The following EPB41L4A variants were observed in gnomAD, a reference collection of about 807,000 sequenced individuals.
EPB41L4A encodes erythrocyte membrane protein band 4.1 like 4A.
In EPB41L4A, 100 loss-of-function variants were observed where a neutral mutation model predicts 108.6. The ratio of observed to expected loss-of-function variants is 0.92; its 90% CI spans 0.78 to 1.09. The LOEUF (loss-of-function observed/expected upper bound fraction) is 1.09. Among genes scored for constraint, EPB41L4A ranks in the 50% least tolerant of loss-of-function variants. The pLI, the probability that EPB41L4A is intolerant of heterozygous loss-of-function variation, is 0.00. For synonymous variants in EPB41L4A, 319 were observed against 289.0 expected, an observed-to-expected ratio of 1.10 and a Z score of -1.05; for missense variants, 1,030 against 842.7, an observed-to-expected ratio of 1.22 and a Z score of -2.75.
At chr5:112,166,886 G>T (rs886767785) in intron 22 of EPB41L4A, among the ~76,000 whole-genome samples, 1 of 152,320 alleles carries the variant, frequency 6.6e-6, no homozygotes, top group South Asian at 2.1e-4. Flanking sequence ...TTTGCTGATT[G>T]CTCAGACCAG....
chr5:112,294,356 C>T (rs183274506), intron 2 of EPB41L4A, among the ~76,000 whole-genome samples: 7 of 152,160 alleles, frequency 4.6e-5, no homozygotes, highest in African/African-American at 1.7e-4. Context: ...ACAGTCCAGG[C>T]GAGAGTTCTT....
chr5:112,344,451 T>C (rs1254936675), intron 1 of EPB41L4A, among the ~76,000 whole-genome samples: 4 of 152,262 alleles, frequency 2.6e-5, no homozygotes, highest in Non-Finnish European at 5.9e-5. Flanking sequence ...TTTATAGTGT[T>C]TGTTGTACAT....
chr5:112,280,709 T>C (rs1752915668), intron 2 of EPB41L4A, among the ~76,000 whole-genome samples: 1 of 152,210 alleles, frequency 6.6e-6, no homozygotes, highest in Non-Finnish European at 1.5e-5. Flanking sequence ...GCAGCAGTAC[T>C]TGCTGGGTCC....
At chr5:112,231,816 AG>A (rs56026343) in intron 12 of EPB41L4A, among the ~76,000 whole-genome samples, 8,976 of 90,320 alleles carry the variant, frequency 0.099, 707 homozygotes, top group Non-Finnish European at 0.13. Context: ...AAAAAAAAAA[AG>A]GATCCACCTG....
At chr5:112,328,657 T>C (rs1485249507) in intron 1 of EPB41L4A, among the ~76,000 whole-genome samples, 2 of 152,328 alleles carry the variant, frequency 1.3e-5, no homozygotes, top group East Asian at 1.9e-4. Flanking sequence ...CTGTAAGTAA[T>C]CAATACGCAC....
At chr5:112,216,394 T>C (rs1747644008) in intron 12 of EPB41L4A, among the ~76,000 whole-genome samples, 1 of 152,080 alleles carries the variant, frequency 6.6e-6, no homozygotes, top group South Asian at 2.1e-4. Flanking sequence ...ATTTTTAGAG[T>C]GAGGGTGAAG....
intron 1 of EPB41L4A, among the ~76,000 whole-genome samples, chr5:112,401,870 T>C (rs903065181): frequency 5.3e-5 from 8 of 152,200 alleles, no homozygotes; most frequent in Non-Finnish European, 1.2e-4. Flanking sequence ...ATTAGAAAAC[T>C]AGCAACTTGG....
chr5:112,251,580 A>T (rs770197085), intron 9 of EPB41L4A, among the ~76,000 whole-genome samples: 1 of 152,172 alleles, frequency 6.6e-6, no homozygotes, highest in African/African-American at 2.4e-5. Context: ...GAAGAAAAAA[A>T]TGCTTATCTT....
At chr5:112,405,201 C>T (rs1762010594) in intron 1 of EPB41L4A, among the ~76,000 whole-genome samples, 1 of 152,176 alleles carries the variant, frequency 6.6e-6, no homozygotes, top group Admixed American at 6.5e-5. Flanking sequence ...TTGCAAAGTA[C>T]TCAGGAGTCT....
chr5:112,238,208 T>G (rs961397967), intron 11 of EPB41L4A, among the ~76,000 whole-genome samples: 5 of 152,174 alleles, frequency 3.3e-5, no homozygotes, highest in African/African-American at 1.2e-4. Flanking sequence ...ATGCCACAAC[T>G]GGAAGAACAG....
intron 12 of EPB41L4A, among the ~76,000 whole-genome samples, chr5:112,149,878 C>G (rs888265297): frequency 6.6e-6 from 1 of 152,136 alleles, no homozygotes; most frequent in Non-Finnish European, 1.5e-5. Flanking sequence ...ATTGCTTAGG[C>G]TTCATAGGGC....
chr5:112,194,029 C>T (rs1761838345), intron 17 of EPB41L4A, among the ~76,000 whole-genome samples: 2 of 152,184 alleles, frequency 1.3e-5, no homozygotes, highest in Non-Finnish European at 2.9e-5. Flanking sequence ...TAAGCCACCA[C>T]TAATACTGAC....
exon 14 of EPB41L4A, chr5:112,143,779 GT>G (rs2112779448): frequency 2.3e-6 from 1 of 431,910 alleles, no homozygotes; most frequent in East Asian, 7.4e-5. Context: ...TGAGTCACGT[GT>G]TAATACCTGA....
intron 1 of EPB41L4A, among the ~76,000 whole-genome samples, chr5:112,312,115 A>T (rs1432913787): frequency 6.6e-6 from 1 of 152,264 alleles, no homozygotes. Flanking sequence ...TCAAATAAAG[A>T]TAATAGATTT....
chr5:112,211,613 C>T (rs1293025749), intron 12 of EPB41L4A, among the ~76,000 whole-genome samples: 2 of 150,714 alleles, frequency 1.3e-5, no homozygotes, highest in Non-Finnish European at 3.0e-5. Context: ...ACCCACACAG[C>T]AAGTGAAAGT....
intron 9 of EPB41L4A, among the ~76,000 whole-genome samples, chr5:112,242,502 T>C (rs1283163501): frequency 6.6e-6 from 1 of 152,214 alleles, no homozygotes; most frequent in African/African-American, 2.4e-5. Context: ...CTTCCTTCAC[T>C]GAAGTCTTGG....
chr5:112,203,660 A>G (rs1025301081), intron 15 of EPB41L4A, among the ~76,000 whole-genome samples: 2 of 152,194 alleles, frequency 1.3e-5, no homozygotes, highest in South Asian at 4.1e-4. Flanking sequence ...TCTGTGCTTT[A>G]AAAGGCGTTT....
intron 15 of EPB41L4A, among the ~76,000 whole-genome samples, chr5:112,198,609 G>A (rs1259929070): frequency 1.3e-5 from 2 of 151,844 alleles, no homozygotes; most frequent in Non-Finnish European, 2.9e-5. Context: ...TTTTTTCTTA[G>A]AAATTGTATT....
In EPB41L4A at chr5:112,163,587, G is replaced by A. The variant is rs1760048517; in HGVS notation, c.*1403C>T. On this transcript the variant is annotated 3_prime_UTR_variant, in exon 23 of 23. Transcript: ENST00000261486. ...AAGAATGTCCTAAAAATTCTCCCTG[G>A]GATTAAGTAACACAGTGATTGATAT... 1 of 152,130 alleles carries A rather than the reference G, an allele frequency of 6.6e-6. No individual in the cohort carries two copies. Among genetic ancestry groups the A allele is most frequent in the African/African-American group, 2.4e-5 (1 of 41,418 alleles). 9.4% of individuals were successfully genotyped at this position (152,130 alleles called of 1,614,324 possible).
Sources: gnomAD v4.1 joint callset for allele counts (sites outside exome capture counted in the v4.1 genomes callset) on GRCh38, gnomAD v4.1.1 for gene constraint, MANE v1.5 for transcripts, NCBI Gene and HGNC (gene_info 2026-07-23, HGNC 2026-07-21) for gene names.